Variants in DNAJB6 observed in about 807,000 individuals in gnomAD.
DNAJB6 encodes DnaJ heat shock protein family (Hsp40) member B6.
A neutral mutation model predicts 42.7 loss-of-function variants in DNAJB6; 16 were observed. That is an observed-to-expected ratio of 0.37 (90% CI 0.25 to 0.57). The LOEUF (loss-of-function observed/expected upper bound fraction) is 0.57. Ranked by LOEUF, DNAJB6 falls within the 20% of genes least tolerant of loss-of-function variation. DNAJB6 has a pLI of 0.74. For missense variants in DNAJB6, 347 were observed against 416.8 expected (o/e 0.83, Z 1.46); for synonymous variants, 170 against 163.5 (o/e 1.04, Z -0.30).
chr7:157,399,254 G>A (rs771045329), intron 8 of DNAJB6, among the ~76,000 whole-genome samples: 79 of 152,218 alleles, frequency 5.2e-4, no homozygotes, highest in Non-Finnish European at 5.1e-4. Context: ...GTGGCCCCCC[G>A]CCATCCCCTG....
chr7:157,390,587 A>G (rs1343232261), intron 8 of DNAJB6, among the ~76,000 whole-genome samples: 1 of 152,120 alleles, frequency 6.6e-6, no homozygotes, highest in South Asian at 2.1e-4. Flanking sequence ...CTGCTGAAAC[A>G]TTGTTGCAGA....
At chr7:157,360,810 T>G (rs1238846940) in intron 2 of DNAJB6, among the ~76,000 whole-genome samples, 3 of 152,216 alleles carry the variant, frequency 2.0e-5, no homozygotes, top group Non-Finnish European at 4.4e-5. Context: ...GATACCAGAC[T>G]CTTCCTGGGT....
chr7:157,409,859 C>G lies in DNAJB6; in HGVS notation c.756C>G (p.Ala252=). 2 of 1,533,530 alleles carry G rather than the reference C, an allele frequency of 1.3e-6. No homozygotes were observed. Among genetic ancestry groups the G allele is most frequent in the Non-Finnish European group, 1.7e-6 (2 of 1,145,718 alleles). The allele number at this position is 1,533,530 out of a possible 1,614,324, so 95.0% of individuals were successfully genotyped here. The change falls in exon 9 of 10, where the codon GCC becomes GCG. Residue 252 remains alanine, a synonymous_variant. Transcript: ENST00000262177. ...GGAGAGGCCAGAACGCCCTGCCAGC[C>G]CAGCCTGCCGGCCTCCGCCCGCCGA... The part of the protein sequence containing the change: ...RMRRGQNALP[A]QPAGLRPPKP...
At chr7:157,378,978 A>G (rs7810191) in intron 5 of DNAJB6, 3 of 152,194 alleles carry the variant, frequency 2.0e-5, no homozygotes, top group African/African-American at 4.8e-5. Context: ...TGATTTTAAT[A>G]TTTGAAATTA....
chr7:157,388,006 C>T lies in DNAJB6; in HGVS notation c.691+2395C>T, dbSNP rs145066053. ...GATTACAGGCACCCACCACCACACTCAGCTAATTTTTGTATTTTTAGTAGA... is the reference window on the plus strand; with the variant it reads ...GATTACAGGCACCCACCACCACACTTAGCTAATTTTTGTATTTTTAGTAGA... On this transcript the variant is annotated intron_variant, in intron 8 of 9. Transcript: ENST00000262177. Among the ~76,000 whole-genome samples, 61 of 152,196 alleles carry T rather than the reference C, an allele frequency of 4.0e-4. No homozygotes were observed. In the East Asian group the frequency reaches 0.011, roughly 28 times the overall value.
At chr7:157,388,870 C>T (rs1226155807) in intron 8 of DNAJB6, among the ~76,000 whole-genome samples, 1 of 152,078 alleles carries the variant, frequency 6.6e-6, no homozygotes, top group Non-Finnish European at 1.5e-5. Flanking sequence ...ATGGATTATT[C>T]CTTATATTTC....
chr7:157,339,281 C>CTTTTTTTTTT lies in DNAJB6; in HGVS notation c.-27+2158_-27+2167dup, dbSNP rs34284253. On this transcript the variant is annotated intron_variant, in intron 1 of 9. Transcript: ENST00000262177. The stretch of plus-strand genomic sequence containing the variant: ...TGGGGGTGGAATGGTCTGTTTGCAC[C>CTTTTTTTTTT]TTTTTTTTTTTTTTTTTTTTTTTTT... 2.8e-4 allele frequency among the ~76,000 whole-genome samples: 19 copies of CTTTTTTTTTT among 68,286 alleles called. 1 individual carries two copies. Among genetic ancestry groups the CTTTTTTTTTT allele is most frequent in the Non-Finnish European group, 3.9e-4 (14 of 36,342 alleles). 44.8% of individuals were successfully genotyped at this position (68,286 alleles called of 152,430 possible).
intron 1 of DNAJB6, among the ~76,000 whole-genome samples, chr7:157,340,995 TGTGC>T (rs1554450140): frequency 4.5e-4 from 45 of 99,750 alleles, no homozygotes; most frequent in African/African-American, 1.6e-3. Context: ...TGTGTGTGTG[TGTGC>T]GCGCGCGCAG....
At chr7:157,385,483 C>A in intron 7 of DNAJB6, 58 bp from the exon 8 acceptor site, 1 of 1,551,662 alleles carries the variant, frequency 6.4e-7, no homozygotes. Flanking sequence ...AACTTAGTTA[C>A]CCTCACACAT....
At chr7:157,385,927 T>C in intron 8 of DNAJB6, 2 of 979,186 alleles carry the variant, frequency 2.0e-6, no homozygotes, top group African/African-American at 3.4e-5. Flanking sequence ...GTCTTGACTC[T>C]TTAGTGTAGG....
chr7:157,369,591 A>G (rs1431026617), intron 5 of DNAJB6: 1 of 321,614 alleles, frequency 3.1e-6, no homozygotes, highest in Non-Finnish European at 6.1e-6. Context: ...GTTTCTCAAC[A>G]TTATTATTAA....
At chr7:157,387,060 G>T (rs775421485) in intron 8 of DNAJB6, among the ~76,000 whole-genome samples, 1 of 152,206 alleles carries the variant, frequency 6.6e-6, no homozygotes, top group African/African-American at 2.4e-5. Context: ...AGAAGGACAG[G>T]CGGTTCCCTG....
chr7:157,349,406 G>A (rs1477448035), intron 1 of DNAJB6, among the ~76,000 whole-genome samples: 5 of 152,190 alleles, frequency 3.3e-5, no homozygotes, highest in African/African-American at 1.2e-4. Flanking sequence ...TCCCTTGAGA[G>A]TCTCACCTGC....
At chr7:157,403,334 TTGTC>T (rs1795610008) in intron 8 of DNAJB6, among the ~76,000 whole-genome samples, 1 of 152,168 alleles carries the variant, frequency 6.6e-6, no homozygotes, top group African/African-American at 2.4e-5. Context: ...GTTCTGTCCT[TTGTC>T]TGCACCTGTG....
chr7:157,372,360 G>T (rs937765625), intron 5 of DNAJB6: 5 of 153,168 alleles, frequency 3.3e-5, no homozygotes, highest in Admixed American at 2.6e-4. Flanking sequence ...GAGGAGCTGG[G>T]GCTCATATCC....
chr7:157,377,266 A>G (rs1258756269), intron 5 of DNAJB6, among the ~76,000 whole-genome samples: 4 of 152,178 alleles, frequency 2.6e-5, no homozygotes, highest in African/African-American at 2.4e-5. Context: ...TTGCAGGACA[A>G]TTTCAAATGG....
At chr7:157,379,083 C>CA (rs1800620207) in intron 5 of DNAJB6, 1 of 151,984 alleles carries the variant, frequency 6.6e-6, no homozygotes, top group African/African-American at 2.4e-5. Flanking sequence ...AGATTTTTTT[C>CA]ATACAAGAAA....
At chr7:157,405,556 T>C (rs1795734747) in intron 8 of DNAJB6, among the ~76,000 whole-genome samples, 1 of 152,184 alleles carries the variant, frequency 6.6e-6, no homozygotes, top group South Asian at 2.1e-4. Flanking sequence ...GTTCACGCAG[T>C]GGCCCTGTCA....
At chr7:157,346,719 A>C (rs956280166) in intron 1 of DNAJB6, among the ~76,000 whole-genome samples, 5 of 152,264 alleles carry the variant, frequency 3.3e-5, no homozygotes, top group African/African-American at 1.2e-4. Context: ...TGTGTCTTAC[A>C]TCAGTGATGA....
Sources: gnomAD v4.1 joint callset for allele counts (sites outside exome capture counted in the v4.1 genomes callset) on GRCh38, gnomAD v4.1.1 for gene constraint, MANE v1.5 for transcripts, NCBI Gene and HGNC (gene_info 2026-07-23, HGNC 2026-07-21) for gene names.